The following BICC1 variants were observed in gnomAD, a reference collection of about 807,000 sequenced individuals.
BICC1 encodes BicC family RNA binding protein 1.
In BICC1, 43 loss-of-function variants were observed where a neutral mutation model predicts 111.0. The ratio of observed to expected loss-of-function variants is 0.39; its 90% CI spans 0.30 to 0.50. BICC1 has a LOEUF of 0.50. Ranked by LOEUF, BICC1 falls within the 20% of genes least tolerant of loss-of-function variation. The probability of loss-of-function intolerance (pLI) is 0.88; values close to 1 mark genes in which losing one functional copy is unlikely to be tolerated. For synonymous variants in BICC1, 467 were observed against 434.4 expected (o/e 1.07, Z -0.93); for missense variants, 1,091 against 1,203.2 (o/e 0.91, Z 1.38).
chr10:58,789,188 C>G (rs1369500394), intron 6 of BICC1, 74 bp from the exon 7 acceptor site: 7 of 1,249,356 alleles, frequency 5.6e-6, no homozygotes, highest in Non-Finnish European at 7.9e-6. Flanking sequence ...CAGAAAAGAA[C>G]CAATGAATGA....
intron 2 of BICC1, among the ~76,000 whole-genome samples, chr10:58,657,728 G>T (rs1432896110): frequency 6.6e-6 from 1 of 152,006 alleles, no homozygotes; most frequent in East Asian, 1.9e-4. Context: ...TTTTGAATTT[G>T]CTTTTAACTT....
intron 1 of BICC1, among the ~76,000 whole-genome samples, chr10:58,590,083 G>T (rs1000026657): frequency 5.9e-5 from 9 of 152,152 alleles, no homozygotes; most frequent in African/African-American, 2.2e-4. Context: ...GTCCAGTGGG[G>T]TTATGAATGG....
At position 58,661,618 on chromosome 10, in the gene BICC1, T is replaced by TA. The variant is rs538208108; in HGVS notation, c.238-40455dup. The stretch of plus-strand genomic sequence containing the variant: ...AACAATTAGAATTAAGGTATAGAGT[T>TA]ACCTACATATGCTGTGTTCGGGTTG... On this transcript the variant is annotated intron_variant, in intron 2 of 20. Transcript: ENST00000373886. Among the ~76,000 whole-genome samples the TA allele has an allele frequency of 3.7e-4, 57 of 152,282 alleles. 1 individual carries two copies. In the East Asian group the frequency reaches 8.1e-3, roughly 22 times the overall value.
At chr10:58,803,533 A>G (rs1011960309) in intron 15 of BICC1, among the ~76,000 whole-genome samples, 2 of 152,190 alleles carry the variant, frequency 1.3e-5, no homozygotes, top group Non-Finnish European at 2.9e-5. Flanking sequence ...AAAAATTTTC[A>G]GATGAGTTTG....
At chr10:58,611,379 A>T (rs1845412373) in intron 1 of BICC1, among the ~76,000 whole-genome samples, 1 of 152,154 alleles carries the variant, frequency 6.6e-6, no homozygotes, top group African/African-American at 2.4e-5. Flanking sequence ...GTATCCATAT[A>T]TCTAAATACA....
At chr10:58,553,714 G>C (rs1843363240) in intron 1 of BICC1, among the ~76,000 whole-genome samples, 1 of 151,786 alleles carries the variant, frequency 6.6e-6, no homozygotes, top group Non-Finnish European at 1.5e-5. Flanking sequence ...TTTTTTTCGG[G>C]GGGGCTAGAC....
chr10:58,614,736 T>C (rs897736231), intron 1 of BICC1, among the ~76,000 whole-genome samples: 1 of 152,186 alleles, frequency 6.6e-6, no homozygotes, highest in African/African-American at 2.4e-5. Flanking sequence ...CAAAGTGTGA[T>C]GTAATGAGTT....
At chr10:58,738,306 A>T (rs1378907849) in intron 3 of BICC1, among the ~76,000 whole-genome samples, 25 of 149,880 alleles carry the variant, frequency 1.7e-4, no homozygotes, top group Admixed American at 6.7e-4. Context: ...TTTCTCCATA[A>T]GGCTAGCCAG....
chr10:58,787,271 A>G (rs919294274), intron 5 of BICC1, among the ~76,000 whole-genome samples, 190 bp downstream of exon 5: 1 of 152,184 alleles, frequency 6.6e-6, no homozygotes, highest in Non-Finnish European at 1.5e-5. Context: ...TGAGTTGTAG[A>G]TGGGCCCTAA....
chr10:58,571,701 C>T (rs1843957333), intron 1 of BICC1, among the ~76,000 whole-genome samples: 1 of 152,070 alleles, frequency 6.6e-6, no homozygotes, highest in Non-Finnish European at 1.5e-5. Flanking sequence ...AGTATTTCAT[C>T]ATGTATATGT....
chr10:58,763,667 C>A (rs1279283652), intron 3 of BICC1, among the ~76,000 whole-genome samples: 1 of 151,920 alleles, frequency 6.6e-6, no homozygotes, highest in East Asian at 1.9e-4. Flanking sequence ...CTACAGTGTT[C>A]TTTCTTAAAC....
At chr10:58,700,730 A>C (rs1017483408) in intron 2 of BICC1, among the ~76,000 whole-genome samples, 1 of 152,182 alleles carries the variant, frequency 6.6e-6, no homozygotes, top group African/African-American at 2.4e-5. Flanking sequence ...TTGACCTCGC[A>C]GTCAGAGAAG....
intron 2 of BICC1, among the ~76,000 whole-genome samples, chr10:58,701,184 A>G (rs1328793566): frequency 6.6e-6 from 1 of 152,188 alleles, no homozygotes; most frequent in South Asian, 2.1e-4. Flanking sequence ...GATAAATATT[A>G]TCCCAGTCTA....
At chr10:58,706,091 C>G (rs1230991072) in intron 3 of BICC1, among the ~76,000 whole-genome samples, 1 of 152,176 alleles carries the variant, frequency 6.6e-6, no homozygotes. Flanking sequence ...ATTGAGAATA[C>G]TAGAACAGTC....
At chr10:58,790,403 A>G (rs1843141495) in intron 8 of BICC1, among the ~76,000 whole-genome samples, 1 of 152,248 alleles carries the variant, frequency 6.6e-6, no homozygotes, top group African/African-American at 2.4e-5. Flanking sequence ...TCCAATTAAA[A>G]AATACTATTT....
chr10:58,675,042 C>T (rs1011221570), intron 2 of BICC1, among the ~76,000 whole-genome samples: 6 of 152,126 alleles, frequency 3.9e-5, no homozygotes, highest in Non-Finnish European at 7.3e-5. Flanking sequence ...TAAGTACTCA[C>T]GGATGGTAAT....
At chr10:58,683,077 A>G (rs1839590080) in intron 2 of BICC1, among the ~76,000 whole-genome samples, 1 of 152,120 alleles carries the variant, frequency 6.6e-6, no homozygotes, top group Admixed American at 6.5e-5. Context: ...TAAGGAAGGG[A>G]TCCAGTTTCA....
At chr10:58,697,878 A>T (rs1200156119) in intron 2 of BICC1, among the ~76,000 whole-genome samples, 1 of 151,264 alleles carries the variant, frequency 6.6e-6, no homozygotes, top group African/African-American at 2.4e-5. Flanking sequence ...TCCTAGACCA[A>T]ACTCCACCCA....
In BICC1 at chr10:58,705,013, C is replaced by T. The variant is rs1589042401; in HGVS notation, c.307+2870C>T. 2.0e-5 allele frequency among the ~76,000 whole-genome samples: 3 copies of T among 152,166 alleles called. No individual in the cohort carries two copies. The East Asian group carries it at 5.8e-4, about 29-fold the overall frequency. ...GCCATTAATCCTTTATCGAGAGCAG[C>T]TGTGTGAGTGGCCGTATGGCTCACT... On this transcript the variant is annotated intron_variant, in intron 3 of 20. Coordinates refer to ENST00000373886, the MANE Select transcript of BICC1 (RefSeq NM_001080512.3).
Sources: allele counts gnomAD v4.1 joint callset (sites outside exome capture counted in the v4.1 genomes callset), GRCh38; gene constraint gnomAD v4.1.1; transcripts MANE v1.5; gene names NCBI Gene and HGNC (gene_info 2026-07-23, HGNC 2026-07-21).